LDAH: variants seen among roughly 807,000 people sequenced by gnomAD.
The protein encoded by LDAH is lipid droplet-associated hydrolase.
A neutral mutation model predicts 29.6 loss-of-function variants in LDAH; 26 were observed. That is an observed-to-expected ratio of 0.88 (90% CI 0.64 to 1.22). The LOEUF (loss-of-function observed/expected upper bound fraction) is 1.22. Among genes scored for constraint, LDAH ranks in the 50% most tolerant of loss-of-function variants. LDAH has a pLI of 0.00. For synonymous variants in LDAH, 117 were observed against 133.0 expected, an observed-to-expected ratio of 0.88 and a Z score of 0.83; for missense variants, 344 against 387.3, an observed-to-expected ratio of 0.89 and a Z score of 0.94.
intron 2 of LDAH, among the ~76,000 whole-genome samples, chr2:20,797,786 G>T (rs1046219523): frequency 2.0e-5 from 3 of 152,058 alleles, no homozygotes; most frequent in Admixed American, 2.0e-4. Flanking sequence ...AAAAAGAAAA[G>T]AAAAGAAAAT....
At chr2:20,710,606 G>GTGTGTATATATATATATATATA (rs1467950593) in intron 5 of LDAH, among the ~76,000 whole-genome samples, 6 of 131,870 alleles carry the variant, frequency 4.5e-5, no homozygotes, top group African/African-American at 1.4e-4. Context: ...GTGTGTGTGT[G>GTGTGTATATATATATATATATA]TATATATATA....
chr2:20,727,209 T>G (rs891729372), intron 5 of LDAH, among the ~76,000 whole-genome samples: 1 of 152,114 alleles, frequency 6.6e-6, no homozygotes, highest in African/African-American at 2.4e-5. Flanking sequence ...AGACCCTGTC[T>G]CTAATATAAA....
intron 4 of LDAH, among the ~76,000 whole-genome samples, chr2:20,763,965 ATT>A (rs11337098): frequency 0.37 from 55,210 of 149,018 alleles, 11,352 homozygotes; most frequent in Middle Eastern, 0.62. Flanking sequence ...CCCAAAGGTG[ATT>A]TTTTTTTTTT....
chr2:20,755,620 A>T (rs1301817369), intron 4 of LDAH, among the ~76,000 whole-genome samples: 1 of 152,290 alleles, frequency 6.6e-6, no homozygotes, highest in Admixed American at 6.5e-5. Flanking sequence ...CACTTGCCTC[A>T]TCCAATACCC....
intron 1 of LDAH, among the ~76,000 whole-genome samples, chr2:20,819,633 T>C (rs1359699961): frequency 6.6e-6 from 1 of 152,178 alleles, no homozygotes; most frequent in Non-Finnish European, 1.5e-5. Flanking sequence ...AAGAGCTATT[T>C]ATGACAAACC....
intron 2 of LDAH, among the ~76,000 whole-genome samples, chr2:20,800,298 T>C (rs1335569569): frequency 6.6e-6 from 1 of 152,208 alleles, no homozygotes; most frequent in Non-Finnish European, 1.5e-5. Context: ...CAAATAAACA[T>C]TGTAAATGAT....
At chr2:20,751,402 T>C (rs1667963672) in intron 4 of LDAH, among the ~76,000 whole-genome samples, 1 of 152,212 alleles carries the variant, frequency 6.6e-6, no homozygotes, top group South Asian at 2.1e-4. Context: ...AAATATGTGG[T>C]TTCAGACTTT....
At chr2:20,701,537 T>C in intron 6 of LDAH, 33 bp downstream of exon 6, 1 of 1,570,980 alleles carries the variant, frequency 6.4e-7, no homozygotes, top group Admixed American at 1.7e-5. Context: ...CATCTACTTA[T>C]TATCTATCCC....
intron 4 of LDAH, among the ~76,000 whole-genome samples, chr2:20,751,504 A>G (rs1667969617): frequency 6.6e-6 from 1 of 152,236 alleles, no homozygotes. Context: ...TCTATCTTCA[A>G]TGAATCTAGG....
intron 5 of LDAH, among the ~76,000 whole-genome samples, chr2:20,704,903 C>G (rs1016377599): frequency 3.9e-5 from 6 of 152,194 alleles, no homozygotes; most frequent in African/African-American, 1.2e-4. Context: ...TCCCTCCCCC[C>G]ACAGAGCCTT....
At chr2:20,809,772 A>C (rs1672346301) in intron 1 of LDAH, among the ~76,000 whole-genome samples, 1 of 152,238 alleles carries the variant, frequency 6.6e-6, no homozygotes, top group South Asian at 2.1e-4. Flanking sequence ...ATACTGATAC[A>C]GAAACTATAA....
chr2:20,748,595 A>G (rs187573122), intron 4 of LDAH, among the ~76,000 whole-genome samples: 5 of 152,344 alleles, frequency 3.3e-5, no homozygotes, highest in African/African-American at 9.6e-5. Context: ...TGATGCTCAC[A>G]GGCTCACTGC....
chr2:20,730,335 T>C (rs1666310776), intron 5 of LDAH, among the ~76,000 whole-genome samples: 1 of 151,358 alleles, frequency 6.6e-6, no homozygotes, highest in South Asian at 2.1e-4. Flanking sequence ...TGCCTAGGAG[T>C]GTTAACTGCT....
At chr2:20,764,293 T>C (rs1293839685) in intron 4 of LDAH, among the ~76,000 whole-genome samples, 2 of 152,234 alleles carry the variant, frequency 1.3e-5, no homozygotes, top group Non-Finnish European at 2.9e-5. Flanking sequence ...AGACTTACGG[T>C]TTTCTGAAAT....
chr2:20,789,444 A>C, intron 3 of LDAH: 1 of 1,434,308 alleles, frequency 7.0e-7, no homozygotes, highest in Non-Finnish European at 9.2e-7. Context: ...TTCCATTTTT[A>C]AAAGCTACTT....
chr2:20,794,339 TG>T, intron 2 of LDAH, among the ~76,000 whole-genome samples: 1 of 152,078 alleles, frequency 6.6e-6, no homozygotes. Context: ...GAGATTTGGG[TG>T]GGGACACAGC....
intron 6 of LDAH, among the ~76,000 whole-genome samples, chr2:20,695,470 T>G (rs572491333): frequency 5.9e-4 from 89 of 150,760 alleles, no homozygotes; most frequent in African/African-American, 2.1e-3. Context: ...TTTTTTTTTT[T>G]GAGACGGAGT....
At chr2:20,724,702 A>G (rs367820081) in intron 5 of LDAH, among the ~76,000 whole-genome samples, 1 of 152,256 alleles carries the variant, frequency 6.6e-6, no homozygotes, top group African/African-American at 2.4e-5. Context: ...CCACATACAC[A>G]CTAGTTATAA....
At chr2:20,690,479 T>C (rs1449053253) in intron 6 of LDAH, among the ~76,000 whole-genome samples, 5 of 152,230 alleles carry the variant, frequency 3.3e-5, no homozygotes, top group Non-Finnish European at 5.9e-5. Flanking sequence ...TACAAGTTCT[T>C]TTTCAGGCTA....
Sources: gnomAD v4.1 joint callset for allele counts (sites outside exome capture counted in the v4.1 genomes callset) on GRCh38, gnomAD v4.1.1 for gene constraint, MANE v1.5 for transcripts, NCBI Gene and HGNC (gene_info 2026-07-23, HGNC 2026-07-21) for gene names.